CAVIN1: variants seen among roughly 807,000 people sequenced by gnomAD.
CAVIN1 encodes caveolae associated protein 1.
Under a neutral mutation model 24.0 loss-of-function variants are expected in CAVIN1, and 16 were observed. That is an observed-to-expected ratio of 0.67 (90% CI 0.45 to 1.01). The LOEUF (loss-of-function observed/expected upper bound fraction) is 1.01, where lower values mean the gene tolerates loss of function less well. Ranked by LOEUF, CAVIN1 falls within the 50% of genes least tolerant of loss-of-function variation. CAVIN1 has a pLI of 0.00. For synonymous variants in CAVIN1, 256 were observed against 256.4 expected (o/e 1.00, Z 0.02); for missense variants, 510 against 551.7 (o/e 0.92, Z 0.76).
chr17:42,421,426 C>T (rs2085544459), intron 1 of CAVIN1, among the ~76,000 whole-genome samples: 1 of 152,102 alleles, frequency 6.6e-6, no homozygotes, highest in Non-Finnish European at 1.5e-5. Flanking sequence ...TTTCCATTCC[C>T]TTCAGCAGGG....
intron 1 of CAVIN1, among the ~76,000 whole-genome samples, chr17:42,411,207 A>AAAAAAAAAAAAAAAAAAAAAAAC (rs758609413): frequency 1.3e-4 from 17 of 127,614 alleles, no homozygotes; most frequent in East Asian, 3.2e-4. Context: ...AAAAAAAAAA[A>AAAAAAAAAAAAAAAAAAAAAAAC]AACTAAAAGG....
intron 1 of CAVIN1, among the ~76,000 whole-genome samples, chr17:42,422,236 T>A (rs2085553104): frequency 6.6e-6 from 1 of 152,158 alleles, no homozygotes; most frequent in African/African-American, 2.4e-5. Flanking sequence ...GAGGGACCCC[T>A]GACTTTCCTA....
intron 1 of CAVIN1, among the ~76,000 whole-genome samples, chr17:42,412,986 G>A (rs2085489076): frequency 6.7e-6 from 1 of 149,808 alleles, no homozygotes; most frequent in African/African-American, 2.5e-5. Context: ...GTGCAGTGGC[G>A]TGATCTCTGA....
chr17:42,407,806 T>G (rs974308927), intron 1 of CAVIN1, among the ~76,000 whole-genome samples: 17 of 152,228 alleles, frequency 1.1e-4, no homozygotes, highest in African/African-American at 4.1e-4. Context: ...TATCATTCAC[T>G]GAGGCATTGA....
At position 42,415,754 on chromosome 17, in the gene CAVIN1, G is replaced by T. The variant is rs567244027; in HGVS notation, c.471+6873C>A. Reference sequence around the variant, plus strand: ...CAAAAAACAAAAAAAAAGAAAAAAAGAAAAGAAAAATTTAAAAAATGCTAA... The same window carrying T: ...CAAAAAACAAAAAAAAAGAAAAAAATAAAAGAAAAATTTAAAAAATGCTAA... On this transcript the variant is annotated intron_variant, in intron 1 of 1. Coordinates refer to ENST00000357037, the MANE Select transcript of CAVIN1 (RefSeq NM_012232.6). Among the ~76,000 whole-genome samples the T allele has an allele frequency of 4.0e-5, 6 of 151,782 alleles. No homozygotes were observed. The South Asian group carries it at 1.2e-3, about 32-fold the overall frequency.
intron 1 of CAVIN1, among the ~76,000 whole-genome samples, chr17:42,414,228 A>G (rs955663705): frequency 6.6e-6 from 1 of 152,102 alleles, no homozygotes; most frequent in African/African-American, 2.4e-5. Flanking sequence ...TCCCTGGGGT[A>G]GGGTGGACAC....
At chr17:42,422,111 C>T (rs1221983304) in intron 1 of CAVIN1, among the ~76,000 whole-genome samples, 1 of 152,116 alleles carries the variant, frequency 6.6e-6, no homozygotes, top group Non-Finnish European at 1.5e-5. Context: ...TGGCACAGCC[C>T]CCGCTGGTGC....
chr17:42,414,819 G>A (rs1226274073), intron 1 of CAVIN1, among the ~76,000 whole-genome samples: 1 of 152,082 alleles, frequency 6.6e-6, no homozygotes, highest in African/African-American at 2.4e-5. Context: ...AGGCTGAAGA[G>A]AAAGGGAAAC....
At chr17:42,413,091 T>G (rs571095548) in intron 1 of CAVIN1, among the ~76,000 whole-genome samples, 2 of 150,614 alleles carry the variant, frequency 1.3e-5, no homozygotes, top group Non-Finnish European at 1.5e-5. Context: ...GCCACCATGC[T>G]CAGCTAATAT....
At chr17:42,411,208 A>AAAAAAAAAAAAC (rs1457381526) in intron 1 of CAVIN1, among the ~76,000 whole-genome samples, 1 of 138,888 alleles carries the variant, frequency 7.2e-6, no homozygotes, top group South Asian at 2.5e-4. Context: ...AAAAAAAAAA[A>AAAAAAAAAAAAC]ACTAAAAGGT....
intron 1 of CAVIN1, among the ~76,000 whole-genome samples, chr17:42,408,138 C>A (rs898308353): frequency 6.6e-6 from 1 of 152,076 alleles, no homozygotes; most frequent in African/African-American, 2.4e-5. Context: ...TAAACTCAGA[C>A]AATGTGAATA....
In CAVIN1 at chr17:42,402,898, C is replaced by T. The variant is rs1333308980; in HGVS notation, c.*1789G>A. 5 of 152,078 alleles carry T rather than the reference C, an allele frequency of 3.3e-5. No homozygotes were observed. Among genetic ancestry groups the T allele is most frequent in the Admixed American group, 6.6e-5 (1 of 15,242 alleles). 9.4% of individuals were successfully genotyped at this position (152,078 alleles called of 1,614,324 possible). On this transcript the variant is annotated 3_prime_UTR_variant, in exon 2 of 2. Transcript: ENST00000357037. ...TTTAATGGGGAGGAACAAGGGGACT[C>T]GTGTCTTGAGAACCTGGTCGTGTCT...
chr17:42,422,062 C>G (rs1243978314), intron 1 of CAVIN1, among the ~76,000 whole-genome samples: 1 of 152,198 alleles, frequency 6.6e-6, no homozygotes, highest in Non-Finnish European at 1.5e-5. Context: ...CGCGGGGGCG[C>G]AGGGTCTGGG....
At chr17:42,411,919 G>A (rs1567778668) in intron 1 of CAVIN1, 13 of 985,152 alleles carry the variant, frequency 1.3e-5, no homozygotes, top group African/African-American at 1.7e-5. Flanking sequence ...CACAGTACCC[G>A]GCACCCGTCC....
chr17:42,418,295 G>A (rs1043467742), intron 1 of CAVIN1, among the ~76,000 whole-genome samples: 2 of 148,216 alleles, frequency 1.3e-5, no homozygotes, highest in Admixed American at 6.8e-5. Flanking sequence ...GCAATGGTGC[G>A]ATCTCGGCTC....
At chr17:42,410,839 A>G (rs1167904240) in intron 1 of CAVIN1, among the ~76,000 whole-genome samples, 1 of 121,842 alleles carries the variant, frequency 8.2e-6, no homozygotes. Flanking sequence ...GATTGCAGTG[A>G]GCCGAGATCG....
intron 1 of CAVIN1, among the ~76,000 whole-genome samples, chr17:42,410,347 C>T (rs1290781690): frequency 2.6e-5 from 4 of 152,132 alleles, no homozygotes; most frequent in African/African-American, 4.8e-5. Context: ...GGGGAGAGAA[C>T]GTCTTTAAAA....
intron 1 of CAVIN1, among the ~76,000 whole-genome samples, chr17:42,416,569 G>A (rs890574352): frequency 2.1e-5 from 3 of 145,614 alleles, no homozygotes; most frequent in Non-Finnish European, 4.5e-5. Context: ...CTCCAGCCTG[G>A]GCTGCAGAGC....
At position 42,422,783 on chromosome 17, in the gene CAVIN1, A is replaced by T. The variant is rs748416987; in HGVS notation, c.315T>A (p.Asn105Lys). 1 of 1,613,564 alleles carries T rather than the reference A, an allele frequency of 6.2e-7. No individual in the cohort carries two copies. Among genetic ancestry groups the T allele is most frequent in the Non-Finnish European group, 8.5e-7 (1 of 1,179,834 alleles). ...KLGKAHATTS[N>K]TVSKLLEKVR... ...CCTTCTCCAGCAGCTTGCTCACCGT[A>T]TTGCTCGTGGTGGCGTGCGCCTTGC... Residue 105 changes from asparagine to lysine, a missense_variant, in exon 1 of 2, where the codon AAT (asparagine) becomes AAA (lysine). Coordinates refer to ENST00000357037, the MANE Select transcript of CAVIN1 (RefSeq NM_012232.6).
Sources: gnomAD v4.1 joint callset for allele counts (sites outside exome capture counted in the v4.1 genomes callset) on GRCh38, gnomAD v4.1.1 for gene constraint, MANE v1.5 for transcripts, NCBI Gene and HGNC (gene_info 2026-07-23, HGNC 2026-07-21) for gene names.